The following PRELID2 variants were observed in gnomAD, a reference collection of about 807,000 sequenced individuals.
PRELID2 encodes PRELI domain containing 2.
PRELID2 carries 25 observed loss-of-function variants against 28.4 expected under a neutral mutation model. The ratio of observed to expected loss-of-function variants is 0.88; its 90% CI spans 0.64 to 1.23. PRELID2 has a LOEUF of 1.23. Among genes scored for constraint, PRELID2 ranks in the 50% most tolerant of loss-of-function variants. The pLI is 0.00. For synonymous variants in PRELID2, 76 were observed against 71.6 expected, an observed-to-expected ratio of 1.06 and a Z score of -0.31; for missense variants, 201 against 214.4, an observed-to-expected ratio of 0.94 and a Z score of 0.39.
intron 1 of PRELID2, among the ~76,000 whole-genome samples, chr5:145,549,516 C>T (rs1018199632): frequency 2.0e-5 from 3 of 152,102 alleles, no homozygotes; most frequent in East Asian, 1.9e-4. Flanking sequence ...CAGTGGCACA[C>T]GCCTCACAAA....
intron 1 of PRELID2, among the ~76,000 whole-genome samples, chr5:145,722,359 G>T (rs1208780280): frequency 2.6e-5 from 4 of 152,150 alleles, no homozygotes; most frequent in Non-Finnish European, 5.9e-5. Flanking sequence ...GAGTGCAGTA[G>T]CACAATCTCA....
chr5:145,467,833 C>T (rs1009968839), downstream of PRELID2, among the ~76,000 whole-genome samples: 12 of 151,024 alleles, frequency 7.9e-5, no homozygotes, highest in Non-Finnish European at 8.8e-5. Context: ...GCCATATATG[C>T]TTTTTTATTT....
chr5:145,403,672 T>C, the PRELID2 span, among the ~76,000 whole-genome samples: 1 of 152,234 alleles, frequency 6.6e-6, no homozygotes, highest in Non-Finnish European at 1.5e-5. Context: ...TGTGTCATTT[T>C]ATTTAATCCT....
intron 4 of PRELID2, among the ~76,000 whole-genome samples, chr5:145,805,832 T>C (rs1753463534): frequency 6.6e-6 from 1 of 152,246 alleles, no homozygotes; most frequent in Non-Finnish European, 1.5e-5. Flanking sequence ...ATCATGTTAC[T>C]ATACCGCATA....
chr5:145,595,179 C>CACAG (rs1753287875), intron 1 of PRELID2, among the ~76,000 whole-genome samples: 1 of 151,106 alleles, frequency 6.6e-6, no homozygotes, highest in Non-Finnish European at 1.5e-5. Context: ...CACACACACA[C>CACAG]ACACACACAC....
At chr5:145,548,773 G>A (rs1752808220) in intron 1 of PRELID2, among the ~76,000 whole-genome samples, 1 of 152,072 alleles carries the variant, frequency 6.6e-6, no homozygotes, top group Non-Finnish European at 1.5e-5. Context: ...CTCCTCAGTG[G>A]GGAAGTCAGA....
chr5:145,316,442 A>G, the PRELID2 span, among the ~76,000 whole-genome samples: 534 of 152,302 alleles, frequency 3.5e-3, 7 homozygotes, highest in African/African-American at 0.012. Flanking sequence ...AGATTGTTAA[A>G]CATTTACCAA....
chr5:145,691,670 A>G (rs1365379564), intron 1 of PRELID2, among the ~76,000 whole-genome samples: 1 of 152,138 alleles, frequency 6.6e-6, no homozygotes, highest in Non-Finnish European at 1.5e-5. Context: ...GTAAGCCGAG[A>G]TTACGCCACT....
At chr5:145,562,799 G>A (rs1752935285) in intron 1 of PRELID2, among the ~76,000 whole-genome samples, 1 of 152,018 alleles carries the variant, frequency 6.6e-6, no homozygotes, top group Non-Finnish European at 1.5e-5. Flanking sequence ...AAAAATGGAA[G>A]GAGAAGATGG....
At chr5:145,484,969 T>G (rs1285610335) in intron 1 of PRELID2, among the ~76,000 whole-genome samples, 1 of 152,134 alleles carries the variant, frequency 6.6e-6, no homozygotes, top group East Asian at 1.9e-4. Context: ...CTTCTGAGGG[T>G]ACAAAGGTGA....
At chr5:145,435,331 T>C in the PRELID2 span, among the ~76,000 whole-genome samples, 2 of 152,022 alleles carry the variant, frequency 1.3e-5, no homozygotes, top group Non-Finnish European at 2.9e-5. Context: ...GAAAAAGAGA[T>C]GATCTAGGTA....
the PRELID2 span, among the ~76,000 whole-genome samples, chr5:145,290,748 A>C: frequency 6.6e-6 from 1 of 152,122 alleles, no homozygotes; most frequent in Non-Finnish European, 1.5e-5. Flanking sequence ...TTAAAGTATA[A>C]AAAATAAAAT....
At chr5:145,354,963 T>G in the PRELID2 span, among the ~76,000 whole-genome samples, 1 of 152,150 alleles carries the variant, frequency 6.6e-6, no homozygotes, top group Admixed American at 6.5e-5. Flanking sequence ...CTGATGCTAT[T>G]AAAGACCAAA....
At chr5:145,682,470 T>C (rs914227581) in intron 1 of PRELID2, among the ~76,000 whole-genome samples, 4 of 152,224 alleles carry the variant, frequency 2.6e-5, no homozygotes, top group Non-Finnish European at 4.4e-5. Flanking sequence ...GCTTCATTTT[T>C]TGTAGGCTCC....
rs541777065 is a variant in PRELID2, at chr5:145,512,619, C to G, written n.71-39304G>C. Among the ~76,000 whole-genome samples, 11 of 152,332 alleles carry G rather than the reference C, an allele frequency of 7.2e-5. No homozygotes were observed. The South Asian group carries it at 2.3e-3, about 32-fold the overall frequency. ...GAAGAGAGCAGCGGATGTCCCAGCA[C>G]AGTGCTCTAACTCTGCTAAGGGACA... On this transcript the variant is annotated intron_variant and non_coding_transcript_variant, in intron 1 of 2. Coordinates refer to the PRELID2 transcript ENST00000510259.
At chr5:145,243,673 A>AT in the PRELID2 span, among the ~76,000 whole-genome samples, 1 of 152,062 alleles carries the variant, frequency 6.6e-6, no homozygotes, top group Admixed American at 6.6e-5. Flanking sequence ...ATCATATAGT[A>AT]TATATAGCCT....
At chr5:145,532,806 A>G (rs1561501170) in intron 1 of PRELID2, among the ~76,000 whole-genome samples, 1 of 152,080 alleles carries the variant, frequency 6.6e-6, no homozygotes, top group African/African-American at 2.4e-5. Flanking sequence ...TCTTCTGTTT[A>G]TAGACTGAAG....
At chr5:145,232,754 C>T in the PRELID2 span, among the ~76,000 whole-genome samples, 1 of 152,018 alleles carries the variant, frequency 6.6e-6, no homozygotes, top group Non-Finnish European at 1.5e-5. Flanking sequence ...ACTATATCAC[C>T]TCTTCATGTT....
chr5:145,381,089 C>A, the PRELID2 span, among the ~76,000 whole-genome samples: 1 of 152,106 alleles, frequency 6.6e-6, no homozygotes, highest in Non-Finnish European at 1.5e-5. Context: ...AAATTCTGAA[C>A]AAGTTGTCTC....
Sources: gnomAD v4.1 joint callset for allele counts (sites outside exome capture counted in the v4.1 genomes callset) on GRCh38, gnomAD v4.1.1 for gene constraint, MANE v1.5 for transcripts, NCBI Gene and HGNC (gene_info 2026-07-23, HGNC 2026-07-21) for gene names.